DTL: variants seen among roughly 807,000 people sequenced by gnomAD.
The protein encoded by DTL is denticleless E3 ubiquitin protein ligase adapter.
DTL carries 46 observed loss-of-function variants against 87.0 expected under a neutral mutation model. The observed-to-expected ratio is 0.53, with a 90% CI of 0.42 to 0.68. DTL has a LOEUF of 0.68. Among genes scored for constraint, DTL ranks in the 30% least tolerant of loss-of-function variants. The pLI is 0.00. For synonymous variants in DTL, 308 were observed against 311.2 expected, an observed-to-expected ratio of 0.99 and a Z score of 0.11; for missense variants, 737 against 869.4, an observed-to-expected ratio of 0.85 and a Z score of 1.91.
intron 1 of DTL, 81 bp downstream of exon 1, chr1:212,036,023 A>C: frequency 7.3e-7 from 1 of 1,378,720 alleles, no homozygotes; most frequent in Non-Finnish European, 1.0e-6. Context: ...ACCAGGGCCG[A>C]CTCCAATTCT....
At position 212,103,142 on chromosome 1, in the gene DTL, G is replaced by A. The variant is rs112687418; in HGVS notation, c.*202G>A. 25 of 354,412 alleles carry A rather than the reference G, an allele frequency of 7.1e-5. 1 individual carries two copies. Among genetic ancestry groups the A allele is most frequent in the African/African-American group, 4.4e-4 (21 of 47,272 alleles). 22.0% of individuals were successfully genotyped at this position (354,412 alleles called of 1,614,324 possible). A position where few individuals can be genotyped will look rare whatever the true frequency, so the allele number is the denominator to read the frequency against. ...TACCATAATGTATATGCAGCTTCCC[G>A]AGGATGAATGCTGTGTTTAAATTTC... On this transcript the variant is annotated 3_prime_UTR_variant, in exon 15 of 15. Transcript: ENST00000366991.
intron 5 of DTL, among the ~76,000 whole-genome samples, chr1:212,049,120 G>A (rs1157878209): frequency 6.6e-6 from 1 of 151,988 alleles, no homozygotes; most frequent in African/African-American, 2.4e-5. Flanking sequence ...ACAGGGTTTC[G>A]CCATGTCGGC....
At chr1:212,083,457 G>A (rs2932550) in intron 13 of DTL, among the ~76,000 whole-genome samples, 2 of 152,176 alleles carry the variant, frequency 1.3e-5, no homozygotes, top group Non-Finnish European at 2.9e-5. Flanking sequence ...GGTACTAGCA[G>A]TGGATTGAGG....
chr1:212,063,031 T>A lies in DTL; in HGVS notation c.526+82T>A, dbSNP rs575275870. 6 of 1,053,810 alleles carry A rather than the reference T, an allele frequency of 5.7e-6. No individual in the cohort carries two copies. The Admixed American group carries it at 1.1e-4, about 19-fold the overall frequency. The allele number at this position is 1,053,810 out of a possible 1,614,324, so 65.3% of individuals were successfully genotyped here. A position where few individuals can be genotyped will look rare whatever the true frequency, so the allele number is the denominator to read the frequency against. The stretch of plus-strand genomic sequence containing the variant: ...GAGTGAAAGAGTTAGTGATTTCATC[T>A]GATTACCACCAGGGGGCATGTACTC... On this transcript the variant is annotated intron_variant, in intron 6 of 14. Coordinates refer to ENST00000366991, the MANE Select transcript of DTL (RefSeq NM_016448.4).
rs147507148 is a variant in DTL at position 212,081,406 on chromosome 1, G to T, written c.1261+656G>T. On this transcript the variant is annotated intron_variant, in intron 13 of 14. Coordinates refer to ENST00000366991, the MANE Select transcript of DTL (RefSeq NM_016448.4). ...GCTGCAGCAGGCAAAGGAAAGGGAG[G>T]GAATAGTAGTAGAAAATGAAATTCT... Among the ~76,000 whole-genome samples, 1,036 of 152,350 alleles carry T rather than the reference G, an allele frequency of 6.8e-3. 16 individuals carry two copies. The highest frequency in any genetic ancestry group is 0.023 in the African/African-American group (966 of 41,582).
In DTL at chr1:212,059,779, C is replaced by CAAA. The variant is rs58890148; in HGVS notation, c.461-3083_461-3081dup. Among the ~76,000 whole-genome samples, 320 of 80,064 alleles carry CAAA rather than the reference C, an allele frequency of 4.0e-3. 4 individuals carry two copies. Among genetic ancestry groups the CAAA allele is most frequent in the African/African-American group, 4.8e-3 (100 of 20,726 alleles). The allele number at this position is 80,064 out of a possible 152,430, so 52.5% of individuals were successfully genotyped here. On this transcript the variant is annotated intron_variant, in intron 5 of 14. Transcript: ENST00000366991. ...TATCTAGAAAAACTTAAAGACTCTA[C>CAAA]AAAAAAAAAAAAAAAAAAAAAAAAC... is the stretch of plus-strand genomic sequence containing the variant.
chr1:212,087,577 A>C (rs1655168168), intron 13 of DTL, among the ~76,000 whole-genome samples: 1 of 152,060 alleles, frequency 6.6e-6, no homozygotes, highest in African/African-American at 2.4e-5. Context: ...TAGCAGAGCA[A>C]GGCAAAAGTT....
intron 13 of DTL, among the ~76,000 whole-genome samples, chr1:212,083,296 T>G (rs1356505818): frequency 6.6e-6 from 1 of 152,102 alleles, no homozygotes; most frequent in African/African-American, 2.4e-5. Context: ...GAGAACAGCA[T>G]GGGAAAGACC....
chr1:212,051,786 A>G, intron 5 of DTL: 1 of 741,280 alleles, frequency 1.3e-6, no homozygotes. Flanking sequence ...GTTTACAACA[A>G]TGCCAACAGC....
chr1:212,065,237 A>G (rs1423447550), intron 7 of DTL, among the ~76,000 whole-genome samples: 1 of 152,158 alleles, frequency 6.6e-6, no homozygotes, highest in East Asian at 1.9e-4. Flanking sequence ...TTATTGATGG[A>G]ATTAAAATAT....
Position 212,100,583 on chromosome 1 carries a change from TA to T in DTL, c.1594del (p.Ile532PhefsTer3). 6.2e-7 allele frequency: 1 copy of T among 1,614,016 alleles called. No individual in the cohort carries two copies. The highest frequency in any genetic ancestry group is 8.5e-7 in the Non-Finnish European group (1 of 1,179,998). On this transcript the variant is annotated frameshift_variant, in exon 14 of 15. Coordinates refer to ENST00000366991, the MANE Select transcript of DTL (RefSeq NM_016448.4). LOFTEE classifies it high-confidence loss of function. ...TKIMSPRKAL[I>X]PVSQKSSQAE... Reference sequence around the variant, plus strand: ...AGATCATGTCTCCGAGAAAAGCCCTTATTCCTGTGAGCCAGAAGTCATCCCA... The same window carrying T: ...AGATCATGTCTCCGAGAAAAGCCCTTTTCCTGTGAGCCAGAAGTCATCCCA...
chr1:212,059,082 C>T (rs1488148686), intron 5 of DTL, among the ~76,000 whole-genome samples: 1 of 152,120 alleles, frequency 6.6e-6, no homozygotes, highest in Non-Finnish European at 1.5e-5. Flanking sequence ...GGCTTCACTG[C>T]TGAATTCTAC....
intron 13 of DTL, 124 bp downstream of exon 13, chr1:212,080,874 C>A (rs1039901410): frequency 4.5e-5 from 46 of 1,015,292 alleles, no homozygotes; most frequent in Non-Finnish European, 5.6e-5. Flanking sequence ...TATCTTCTTG[C>A]CATTCATTCT....
chr1:212,036,186 TC>T (rs1284469534), intron 1 of DTL, among the ~76,000 whole-genome samples: 1 of 152,172 alleles, frequency 6.6e-6, no homozygotes. Context: ...ATAACTGCCT[TC>T]CAAGGCCCCT....
At chr1:212,062,115 A>G (rs1367074019) in intron 5 of DTL, among the ~76,000 whole-genome samples, 1 of 152,178 alleles carries the variant, frequency 6.6e-6, no homozygotes, top group Non-Finnish European at 1.5e-5. Context: ...TACCCCATAA[A>G]TATGTAAAAT....
intron 5 of DTL, among the ~76,000 whole-genome samples, chr1:212,056,838 A>G (rs1402773131): frequency 6.6e-6 from 1 of 152,178 alleles, no homozygotes; most frequent in East Asian, 1.9e-4. Context: ...AATTCATTTA[A>G]TGAAATACAA....
rs764412594 is a variant in DTL, at chr1:212,104,702, G to A, written c.*1762G>A. Reference sequence around the variant, plus strand: ...ACATTTGGCTGTCAGAAATTATACCGAGTCTACTGGGTATAACATGTCTCA... The same window carrying A: ...ACATTTGGCTGTCAGAAATTATACCAAGTCTACTGGGTATAACATGTCTCA... On this transcript the variant is annotated 3_prime_UTR_variant, in exon 15 of 15. Coordinates refer to ENST00000366991, the MANE Select transcript of DTL (RefSeq NM_016448.4). The A allele has an allele frequency of 2.6e-5, 4 of 152,136 alleles. No individual in the cohort carries two copies. Among genetic ancestry groups the A allele is most frequent in the Non-Finnish European group, 4.4e-5 (3 of 68,026 alleles). 9.4% of individuals were successfully genotyped at this position (152,136 alleles called of 1,614,324 possible).
rs148437718 is a variant in DTL at position 212,103,822 on chromosome 1, AAAAAT to A, written c.*885_*889del. On this transcript the variant is annotated 3_prime_UTR_variant, in exon 15 of 15. Transcript: ENST00000366991. ...TCTTTAGGGGCTGCAATGTTTTAAA[AAAAAT>A]AAGTCATCAGATTTTAAGAAAAAAG... 5 of 152,364 alleles carry A rather than the reference AAAAAT, an allele frequency of 3.3e-5. No individual in the cohort carries two copies. The highest frequency in any genetic ancestry group is 1.9e-4 in the East Asian group (1 of 5,192). 9.4% of individuals were successfully genotyped at this position (152,364 alleles called of 1,614,324 possible). A position where few individuals can be genotyped will look rare whatever the true frequency, so the allele number is the denominator to read the frequency against.
chr1:212,096,321 C>T (rs1386074612), intron 13 of DTL, among the ~76,000 whole-genome samples: 1 of 150,588 alleles, frequency 6.6e-6, no homozygotes, highest in Non-Finnish European at 1.5e-5. Context: ...AAAGAACCAG[C>T]TTTTTGTTTC....
Sources: gnomAD v4.1 joint callset for allele counts (sites outside exome capture counted in the v4.1 genomes callset) on GRCh38, gnomAD v4.1.1 for gene constraint, MANE v1.5 for transcripts, NCBI Gene and HGNC (gene_info 2026-07-23, HGNC 2026-07-21) for gene names.